The following CPNE8 variants were observed in gnomAD, a reference collection of about 807,000 sequenced individuals.
CPNE8 encodes the protein copine 8, also known as copine-8.
A neutral mutation model predicts 81.5 loss-of-function variants in CPNE8; 45 were observed. That is an observed-to-expected ratio of 0.55 (90% CI 0.44 to 0.71). The LOEUF (loss-of-function observed/expected upper bound fraction) is 0.71, where lower values mean the gene tolerates loss of function less well. CPNE8 is among the 30% of genes least tolerant of loss of function. CPNE8 has a pLI of 0.00. For synonymous variants in CPNE8, 252 were observed against 226.3 expected (o/e 1.11, Z -1.02); for missense variants, 594 against 672.1 (o/e 0.88, Z 1.28).
intron 3 of CPNE8, among the ~76,000 whole-genome samples, chr12:38,851,518 A>G (rs989794836): frequency 2.0e-5 from 3 of 152,212 alleles, no homozygotes; most frequent in South Asian, 2.1e-4. Context: ...TCACTGCCTC[A>G]TAAGTTATCA....
upstream of CPNE8, chr12:38,906,544 C>G (rs1460081110): frequency 1.0e-6 from 1 of 985,554 alleles, no homozygotes; most frequent in African/African-American, 1.7e-5. Context: ...AACCATATAA[C>G]GCAGCTCCTT....
intron 11 of CPNE8, among the ~76,000 whole-genome samples, chr12:38,725,363 C>T (rs774659923): frequency 2.6e-5 from 4 of 152,182 alleles, no homozygotes; most frequent in Non-Finnish European, 4.4e-5. Context: ...CCACCAGTTT[C>T]CCATGCTACA....
At chr12:38,795,056 T>C (rs144990079) in intron 6 of CPNE8, among the ~76,000 whole-genome samples, 196 of 152,348 alleles carry the variant, frequency 1.3e-3, no homozygotes, top group African/African-American at 4.6e-3. Context: ...CTTCAGCTTT[T>C]GGAATCTTGG....
At chr12:38,700,991 T>G (rs369029888) in intron 14 of CPNE8, among the ~76,000 whole-genome samples, 2 of 152,330 alleles carry the variant, frequency 1.3e-5, no homozygotes, top group East Asian at 3.9e-4. Context: ...TGGGTATGTC[T>G]TTATTAGCAG....
intron 6 of CPNE8, among the ~76,000 whole-genome samples, chr12:38,782,417 A>C (rs2136906988): frequency 6.6e-6 from 1 of 152,294 alleles, no homozygotes; most frequent in Non-Finnish European, 1.5e-5. Context: ...AATATGTATC[A>C]TTGTGAAGTT....
intron 3 of CPNE8, among the ~76,000 whole-genome samples, chr12:38,866,654 A>T (rs1008855790): frequency 2.0e-5 from 3 of 152,214 alleles, no homozygotes; most frequent in Non-Finnish European, 2.9e-5. Context: ...AATAAAGGGC[A>T]GCAGAACAAG....
chr12:38,769,442 C>T (rs1941755468), intron 7 of CPNE8, among the ~76,000 whole-genome samples: 1 of 152,102 alleles, frequency 6.6e-6, no homozygotes, highest in African/African-American at 2.4e-5. Flanking sequence ...GTGAAATAAT[C>T]ATTCTGGATG....
chr12:38,858,263 T>C (rs1943776337), intron 3 of CPNE8, among the ~76,000 whole-genome samples: 1 of 152,170 alleles, frequency 6.6e-6, no homozygotes, highest in Non-Finnish European at 1.5e-5. Context: ...TTACCTAACA[T>C]AGATGGTTAT....
intron 5 of CPNE8, among the ~76,000 whole-genome samples, chr12:38,836,112 T>C (rs1053336815): frequency 6.6e-6 from 1 of 152,242 alleles, no homozygotes; most frequent in Middle Eastern, 3.4e-3. Context: ...GCTAATAGTA[T>C]TTAGTTGAGT....
intron 10 of CPNE8, among the ~76,000 whole-genome samples, chr12:38,759,186 C>A (rs904501157): frequency 6.6e-6 from 1 of 152,072 alleles, no homozygotes; most frequent in Admixed American, 6.6e-5. Flanking sequence ...CCTCAAGTAT[C>A]GTGTTTTGCA....
intron 13 of CPNE8, among the ~76,000 whole-genome samples, chr12:38,705,913 A>C (rs1006816698): frequency 6.6e-6 from 1 of 152,130 alleles, no homozygotes; most frequent in African/African-American, 2.4e-5. Flanking sequence ...TAATATATAT[A>C]TACATATATC....
chr12:38,807,731 C>G (rs1942843297), intron 6 of CPNE8, among the ~76,000 whole-genome samples: 1 of 150,938 alleles, frequency 6.6e-6, no homozygotes, highest in Non-Finnish European at 1.5e-5. Context: ...GCAATGGCAA[C>G]AAAAGACATA....
At chr12:38,693,911 T>A in intron 14 of CPNE8, 73 bp from the exon 15 acceptor site, 1 of 1,223,982 alleles carries the variant, frequency 8.2e-7, no homozygotes, top group Non-Finnish European at 1.1e-6. Context: ...TCTTGGTGTC[T>A]ATTTCAGAAT....
chr12:38,698,562 T>C (rs4616077), intron 14 of CPNE8, among the ~76,000 whole-genome samples: 50,186 of 152,094 alleles, frequency 0.33, 9,927 homozygotes, highest in Non-Finnish European at 0.45. Flanking sequence ...ATTTGATCCA[T>C]TTTGAGTTAA....
At chr12:38,832,132 C>A (rs1943297976) in intron 5 of CPNE8, among the ~76,000 whole-genome samples, 1 of 152,212 alleles carries the variant, frequency 6.6e-6, no homozygotes, top group South Asian at 2.1e-4. Flanking sequence ...ACACTGGTGT[C>A]AACCAGCTCT....
rs1943106659 is a variant in CPNE8 at position 38,821,352 on chromosome 12, A to T, written c.407+8027T>A. Among the ~76,000 whole-genome samples the T allele has an allele frequency of 2.0e-5, 3 of 152,314 alleles. No homozygotes were observed. In the South Asian group the frequency reaches 6.2e-4, roughly 32 times the overall value. ...TTCCTAGTAAAGATTTGTTGAATAT[A>T]TTATTTTTAAAAAACACAATCCCTA... On this transcript the variant is annotated intron_variant, in intron 6 of 19. Transcript: ENST00000331366.
intron 13 of CPNE8, among the ~76,000 whole-genome samples, chr12:38,716,810 G>T (rs1940405755): frequency 6.6e-6 from 1 of 152,046 alleles, no homozygotes. Context: ...AAACCAAAAA[G>T]CTTCTGTACA....
intron 19 of CPNE8, among the ~76,000 whole-genome samples, chr12:38,665,026 GGT>G (rs1939035408): frequency 6.6e-6 from 1 of 152,090 alleles, no homozygotes; most frequent in South Asian, 2.1e-4. Flanking sequence ...CATGTCACAA[GGT>G]GTTACTTTAT....
rs777430861 is a variant in CPNE8 at position 38,685,484 on chromosome 12, A to C, written c.1271+6T>G. 53 of 1,612,470 alleles carry C rather than the reference A, an allele frequency of 3.3e-5. No individual in the cohort carries two copies. The highest frequency in any genetic ancestry group is 2.2e-5 in the Non-Finnish European group (26 of 1,179,114). On this transcript the variant is annotated splice_donor_region_variant and intron_variant, in intron 16 of 19. Coordinates refer to ENST00000331366, the MANE Select transcript of CPNE8 (RefSeq NM_153634.3). ...AGAATAAGCACCTTGTCTACTCTCT[A>C]CTTACCTTGCTACATGATTAATTAC... is the stretch of plus-strand genomic sequence containing the variant.
Sources: gnomAD v4.1 joint callset for allele counts (sites outside exome capture counted in the v4.1 genomes callset) on GRCh38, gnomAD v4.1.1 for gene constraint, MANE v1.5 for transcripts, NCBI Gene and HGNC (gene_info 2026-07-23, HGNC 2026-07-21) for gene names.